EPB41: variants seen among roughly 807,000 people sequenced by gnomAD.
The protein encoded by EPB41 is erythrocyte membrane protein band 4.1, also known as protein 4.1.
A neutral mutation model predicts 108.0 loss-of-function variants in EPB41; 65 were observed. The observed-to-expected ratio is 0.60, with a 90% CI of 0.49 to 0.74. The LOEUF (loss-of-function observed/expected upper bound fraction) is 0.74. Ranked by LOEUF, EPB41 falls within the 30% of genes least tolerant of loss-of-function variation. EPB41 has a pLI of 0.00. For synonymous variants in EPB41, 336 were observed against 358.9 expected, an observed-to-expected ratio of 0.94 and a Z score of 0.72; for missense variants, 875 against 1,037.0, an observed-to-expected ratio of 0.84 and a Z score of 2.15.
chr1:28,961,370 G>A lies in EPB41; in HGVS notation c.-7-26061G>A, dbSNP rs142715343. 3.8e-3 allele frequency among the ~76,000 whole-genome samples: 577 copies of A among 152,138 alleles called. 6 individuals carry two copies. Among genetic ancestry groups the A allele is most frequent in the African/African-American group, 0.013 (532 of 41,492 alleles). On this transcript the variant is annotated intron_variant, in intron 1 of 20. Coordinates refer to ENST00000343067, the MANE Select transcript of EPB41 (RefSeq NM_001376013.1). The stretch of plus-strand genomic sequence containing the variant: ...CTCCGAGAGTGTCCTGGTTTATTAC[G>A]TTGTACTTTAATAAGAATTAATAAG...
intron 16 of EPB41, among the ~76,000 whole-genome samples, chr1:29,093,864 C>T (rs1662235000): frequency 6.6e-6 from 1 of 152,142 alleles, no homozygotes; most frequent in Non-Finnish European, 1.5e-5. Flanking sequence ...AAGATCACAC[C>T]ACTACACTCC....
chr1:28,989,320 C>A, intron 2 of EPB41: 1 of 878,958 alleles, frequency 1.1e-6, no homozygotes, highest in Non-Finnish European at 1.4e-6. Flanking sequence ...AGTACTGTAA[C>A]TCAGACTATT....
chr1:29,099,131 A>AGGC (rs1185631677), intron 17 of EPB41, among the ~76,000 whole-genome samples: 8 of 150,412 alleles, frequency 5.3e-5, no homozygotes, highest in Non-Finnish European at 8.9e-5. Context: ...ACGTGGTGAA[A>AGGC]CCCCATCTCT....
At chr1:28,996,731 T>C (rs924093761) in intron 3 of EPB41, among the ~76,000 whole-genome samples, 4 of 152,228 alleles carry the variant, frequency 2.6e-5, no homozygotes, top group African/African-American at 9.6e-5. Flanking sequence ...TTATAAATCA[T>C]ATTTTCTGCT....
intron 1 of EPB41, among the ~76,000 whole-genome samples, chr1:28,950,145 CAA>C (rs1258974271): frequency 6.6e-6 from 1 of 152,068 alleles, no homozygotes; most frequent in Non-Finnish European, 1.5e-5. Flanking sequence ...GTAAGCATCT[CAA>C]AGTTTCTCTA....
At chr1:28,907,706 A>G (rs2091943014) in intron 1 of EPB41, among the ~76,000 whole-genome samples, 1 of 151,830 alleles carries the variant, frequency 6.6e-6, no homozygotes, top group African/African-American at 2.4e-5. Context: ...TAGACCTCCC[A>G]GGCTCCAGTG....
chr1:28,996,072 TAAAC>T (rs1405643749), intron 3 of EPB41, among the ~76,000 whole-genome samples: 1 of 152,212 alleles, frequency 6.6e-6, no homozygotes, highest in Non-Finnish European at 1.5e-5. Flanking sequence ...TGATTATTGT[TAAAC>T]AATTCCAATA....
intron 7 of EPB41, among the ~76,000 whole-genome samples, chr1:29,021,878 G>A (rs976923303): frequency 3.3e-5 from 5 of 152,116 alleles, no homozygotes; most frequent in East Asian, 1.9e-4. Flanking sequence ...CATCGCGCCC[G>A]GTGGCCATCT....
rs556271233 is a variant in EPB41, at chr1:28,918,328, A to C, written c.-8+3560A>C. On this transcript the variant is annotated intron_variant, in intron 1 of 20. Coordinates refer to ENST00000343067, the MANE Select transcript of EPB41 (RefSeq NM_001376013.1). ...CCGCCTCCCAAAGTGCTGGGATTAC[A>C]GGCATGAACCACCACACCCAGCCAA... Among the ~76,000 whole-genome samples, 4 of 152,296 alleles carry C rather than the reference A, an allele frequency of 2.6e-5. No homozygotes were observed. In the East Asian group the frequency reaches 7.7e-4, roughly 29 times the overall value.
At chr1:28,904,874 C>T (rs768420224) in intron 1 of EPB41, among the ~76,000 whole-genome samples, 4 of 151,680 alleles carry the variant, frequency 2.6e-5, no homozygotes, top group Non-Finnish European at 4.4e-5. Flanking sequence ...TCTAAAAATA[C>T]AAAAAAATTA....
At chr1:29,060,183 A>G (rs1397759671) in intron 14 of EPB41, among the ~76,000 whole-genome samples, 4 of 152,266 alleles carry the variant, frequency 2.6e-5, no homozygotes, top group African/African-American at 9.6e-5. Flanking sequence ...AGCCAGGAGC[A>G]CTGTCTATTT....
intron 1 of EPB41, among the ~76,000 whole-genome samples, chr1:28,944,855 G>A (rs1186110436): frequency 1.3e-5 from 2 of 151,216 alleles, no homozygotes; most frequent in Non-Finnish European, 3.0e-5. Flanking sequence ...TTGGGAGGCC[G>A]AGGTGGGAGG....
intron 10 of EPB41, among the ~76,000 whole-genome samples, chr1:29,036,386 A>G (rs1219245236): frequency 2.0e-5 from 3 of 150,616 alleles, no homozygotes; most frequent in African/African-American, 7.3e-5. Flanking sequence ...CAGCCTCCTA[A>G]GTAGCTGGGA....
chr1:29,110,197 G>A (rs1394781206), intron 18 of EPB41, among the ~76,000 whole-genome samples: 1 of 138,802 alleles, frequency 7.2e-6, no homozygotes, highest in Non-Finnish European at 1.6e-5. Context: ...AAAAAAAAAT[G>A]TGCTGGGCAT....
At chr1:28,923,802 A>G (rs2093284906) in intron 1 of EPB41, among the ~76,000 whole-genome samples, 1 of 152,240 alleles carries the variant, frequency 6.6e-6, no homozygotes, top group Non-Finnish European at 1.5e-5. Context: ...AAGAATATAT[A>G]ACTAAAGGGC....
intron 1 of EPB41, among the ~76,000 whole-genome samples, chr1:28,962,066 C>CTT (rs965979562): frequency 6.9e-6 from 1 of 144,614 alleles, no homozygotes. Flanking sequence ...ATTGCTTTTA[C>CTT]TTTTTTTTTT....
chr1:28,983,009 T>C (rs1159422523), intron 1 of EPB41, among the ~76,000 whole-genome samples: 2 of 152,222 alleles, frequency 1.3e-5, no homozygotes, highest in Non-Finnish European at 2.9e-5. Context: ...CATTGAGGAC[T>C]ATATCTTTCA....
intron 1 of EPB41, among the ~76,000 whole-genome samples, chr1:28,929,789 C>A (rs2093641358): frequency 6.6e-6 from 1 of 151,116 alleles, no homozygotes. Context: ...CCGCCTTGGC[C>A]TCCCAAAGTG....
At chr1:28,980,908 G>T (rs1449530913) in intron 1 of EPB41, among the ~76,000 whole-genome samples, 5 of 151,730 alleles carry the variant, frequency 3.3e-5, no homozygotes, top group African/African-American at 9.7e-5. Flanking sequence ...GAGTAGCGGG[G>T]ATTACAGACG....
Sources: gnomAD v4.1 joint callset for allele counts (sites outside exome capture counted in the v4.1 genomes callset) on GRCh38, gnomAD v4.1.1 for gene constraint, MANE v1.5 for transcripts, NCBI Gene and HGNC (gene_info 2026-07-23, HGNC 2026-07-21) for gene names.